Variants in NTAQ1 observed in about 807,000 individuals in gnomAD.
NTAQ1 encodes N-terminal glutamine amidase 1.
NTAQ1 carries 21 observed loss-of-function variants against 28.2 expected under a neutral mutation model. That is an observed-to-expected ratio of 0.74 (90% CI 0.53 to 1.07). The LOEUF (loss-of-function observed/expected upper bound fraction) is 1.07, where lower values mean the gene tolerates loss of function less well. Among genes scored for constraint, NTAQ1 ranks in the 50% least tolerant of loss-of-function variants. The probability of loss-of-function intolerance (pLI) is 0.00; values close to 1 mark genes in which losing one functional copy is unlikely to be tolerated. For missense variants in NTAQ1, 264 were observed against 256.6 expected, an observed-to-expected ratio of 1.03 and a Z score of -0.20; for synonymous variants, 105 against 90.0, an observed-to-expected ratio of 1.17 and a Z score of -0.94.
At chr8:123,469,029 A>G (rs1816015364) in exon 7 of NTAQ1, among the ~76,000 whole-genome samples, 2 of 152,152 alleles carry the variant, frequency 1.3e-5, no homozygotes, top group African/African-American at 2.4e-5. Context: ...TTTTGGAGAC[A>G]TGTCTGTTCA....
intron 3 of NTAQ1, chr8:123,435,438 C>A (rs1814644788): frequency 1.0e-6 from 1 of 985,044 alleles, no homozygotes; most frequent in African/African-American, 1.7e-5. Context: ...CTTCTCCTCT[C>A]CAGGCTGACC....
downstream of NTAQ1, among the ~76,000 whole-genome samples, chr8:123,470,090 T>A (rs1385422427): frequency 6.6e-6 from 1 of 152,212 alleles, no homozygotes; most frequent in African/African-American, 2.4e-5. Context: ...GAGGTTCTTC[T>A]CTTTTTCTGC....
At chr8:123,428,585 T>TG (rs1046540099) in intron 2 of NTAQ1, among the ~76,000 whole-genome samples, 14 of 148,466 alleles carry the variant, frequency 9.4e-5, no homozygotes, top group Middle Eastern at 6.8e-3. Context: ...CCTGTTTTTT[T>TG]TTGTTTGTTT....
At chr8:123,450,472 T>C (rs1405625887), downstream of NTAQ1, among the ~76,000 whole-genome samples, 1 of 152,056 alleles carries the variant, frequency 6.6e-6, no homozygotes, top group African/African-American at 2.4e-5. Flanking sequence ...GGGAGACTGC[T>C]GTTTGCCAGG....
intron 6 of NTAQ1, among the ~76,000 whole-genome samples, chr8:123,456,669 CAAG>C (rs1385372187): frequency 6.6e-6 from 1 of 152,204 alleles, no homozygotes; most frequent in Non-Finnish European, 1.5e-5. Flanking sequence ...ATATTTTTAA[CAAG>C]AACTGTCACT....
downstream of NTAQ1, among the ~76,000 whole-genome samples, chr8:123,471,131 A>G (rs1299072829): frequency 6.6e-6 from 1 of 150,846 alleles, no homozygotes; most frequent in Non-Finnish European, 1.5e-5. Flanking sequence ...GGGTCTTGTT[A>G]TGTTGCCCAG....
intron 1 of NTAQ1, among the ~76,000 whole-genome samples, chr8:123,419,484 G>A (rs1289505415): frequency 1.3e-5 from 2 of 152,090 alleles, no homozygotes; most frequent in African/African-American, 2.4e-5. Flanking sequence ...TGTTACTTAC[G>A]CTTCAAGACC....
At chr8:123,428,259 G>C (rs1316458260) in intron 2 of NTAQ1, among the ~76,000 whole-genome samples, 220 of 152,246 alleles carry the variant, frequency 1.4e-3, no homozygotes, top group Non-Finnish European at 2.8e-3. Context: ...GCAGTGGCGT[G>C]ATTCTTGGCT....
rs1006588155 is a variant in NTAQ1 at position 123,416,938 on chromosome 8, G to GGGGCGC, written c.83+13_83+18dup. 191 of 1,484,834 alleles carry GGGGCGC rather than the reference G, an allele frequency of 1.3e-4. No individual in the cohort carries two copies. Among genetic ancestry groups the GGGGCGC allele is most frequent in the Non-Finnish European group, 1.6e-4 (176 of 1,115,470 alleles). 92.0% of individuals were successfully genotyped at this position (1,484,834 alleles called of 1,614,324 possible). ...GTCTACAGCAGCTGCTACTGGTGAG[G>GGGGCGC]GGGCGCGGGCGCAGCCTCTGGGTCT... On this transcript the variant is annotated splice_region_variant and intron_variant, in intron 1 of 5. Coordinates refer to ENST00000287387, the MANE Select transcript of NTAQ1 (RefSeq NM_018024.3).
downstream of NTAQ1, among the ~76,000 whole-genome samples, chr8:123,470,991 G>A (rs1434488603): frequency 2.0e-5 from 3 of 151,432 alleles, no homozygotes; most frequent in East Asian, 5.8e-4. Flanking sequence ...CATGATCATA[G>A]CTCACTGCAA....
intron 1 of NTAQ1, among the ~76,000 whole-genome samples, chr8:123,424,786 C>T (rs182829137): frequency 1.6e-4 from 25 of 152,266 alleles, no homozygotes; most frequent in African/African-American, 4.8e-4. Context: ...CATATCCCTC[C>T]GAATTAATGA....
chr8:123,437,702 CAAAAAAAA>C (rs67334148), intron 5 of NTAQ1, among the ~76,000 whole-genome samples: 76 of 137,208 alleles, frequency 5.5e-4, no homozygotes, highest in African/African-American at 1.5e-3. Context: ...GACTCCATCT[CAAAAAAAA>C]AAAAAAACAA....
intron 5 of NTAQ1, chr8:123,438,031 G>C: frequency 1.6e-6 from 1 of 616,892 alleles, no homozygotes; most frequent in Non-Finnish European, 2.9e-6. Context: ...GCATCCTTAT[G>C]ATGTGTGAAA....
chr8:123,419,110 T>A (rs1394017933), intron 1 of NTAQ1, among the ~76,000 whole-genome samples: 3 of 53,990 alleles, frequency 5.6e-5, no homozygotes, highest in Non-Finnish European at 1.1e-4. Flanking sequence ...TTTTTTTTTT[T>A]TTTTTTGAGA....
exon 7 of NTAQ1, among the ~76,000 whole-genome samples, chr8:123,469,756 A>G (rs192910243): frequency 1.4e-4 from 22 of 152,368 alleles, no homozygotes; most frequent in African/African-American, 4.6e-4. Context: ...TCAAACGTCT[A>G]CTATGTTCTG....
chr8:123,452,189 A>G (rs545659223), downstream of NTAQ1, among the ~76,000 whole-genome samples: 4 of 152,254 alleles, frequency 2.6e-5, no homozygotes, highest in African/African-American at 4.8e-5. Context: ...CAAGCTGACC[A>G]CTCAGCCTAG....
At chr8:123,452,455 G>C (rs1334206058), downstream of NTAQ1, among the ~76,000 whole-genome samples, 1 of 152,180 alleles carries the variant, frequency 6.6e-6, no homozygotes, top group Non-Finnish European at 1.5e-5. Context: ...AAATTAGCTG[G>C]GCATGATGGC....
chr8:123,437,297 A>G lies in NTAQ1; in HGVS notation c.471A>G (p.Arg157=). The G allele has an allele frequency of 6.2e-7, 1 of 1,614,128 alleles. No individual in the cohort carries two copies. The highest frequency in any genetic ancestry group is 8.5e-7 in the Non-Finnish European group (1 of 1,179,992). The change falls in exon 5 of 6, where the codon AGA becomes AGG. Residue 157 remains arginine, a synonymous_variant. Coordinates refer to ENST00000287387, the MANE Select transcript of NTAQ1 (RefSeq NM_018024.3). ...SHMKDSSGNW[R]EPPPPYPCIE... is the part of the protein sequence containing the mutation. ...TGAAAGACTCCAGTGGGAATTGGAG[A>G]GAGCCTCCGCCGCCATATCCCTGCA...
At chr8:123,475,650 A>T in the NTAQ1 span, among the ~76,000 whole-genome samples, 1 of 152,218 alleles carries the variant, frequency 6.6e-6, no homozygotes, top group African/African-American at 2.4e-5. Context: ...TCTAAGGCAT[A>T]CTTCTACTTA....
Sources: gnomAD v4.1 joint callset for allele counts (sites outside exome capture counted in the v4.1 genomes callset) on GRCh38, gnomAD v4.1.1 for gene constraint, MANE v1.5 for transcripts, NCBI Gene and HGNC (gene_info 2026-07-23, HGNC 2026-07-21) for gene names.